CENPQ: variants seen among roughly 807,000 people sequenced by gnomAD.
CENPQ encodes centromere protein Q.
A neutral mutation model predicts 36.6 loss-of-function variants in CENPQ; 27 were observed. The ratio of observed to expected loss-of-function variants is 0.74; its 90% confidence interval spans 0.54 to 1.02. The LOEUF (loss-of-function observed/expected upper bound fraction) is 1.02. Among genes scored for constraint, CENPQ ranks in the 50% least tolerant of loss-of-function variants. The pLI is 0.00. For synonymous variants in CENPQ, 101 were observed against 101.7 expected, an observed-to-expected ratio of 0.99 and a Z score of 0.04; for missense variants, 306 against 301.8, an observed-to-expected ratio of 1.01 and a Z score of -0.10.
rs1340757833 is a variant in CENPQ, at chr6:49,489,342, G to A, written c.675+658G>A. On this transcript the variant is annotated intron_variant, in intron 8 of 8. Coordinates refer to ENST00000335783, the MANE Select transcript of CENPQ (RefSeq NM_018132.4). ...GCTCATCCATAAGAAGTAACTCCTC[G>A]TCCATCCAATTTTTATCATGAGATT... 5.9e-5 allele frequency among the ~76,000 whole-genome samples: 9 copies of A among 152,018 alleles called. No homozygotes were observed. In the South Asian group the frequency reaches 8.3e-4, roughly 14 times the overall value.
chr6:49,491,569 A>G (rs2448701), intron 8 of CENPQ, among the ~76,000 whole-genome samples: 100,335 of 152,050 alleles, frequency 0.66, 33,475 homozygotes, highest in East Asian at 0.84. Context: ...ACATTGTAGT[A>G]TAAATGTTTG....
At chr6:49,472,216 G>T in intron 4 of CENPQ, 33 bp downstream of exon 4, 2 of 1,554,986 alleles carry the variant, frequency 1.3e-6, no homozygotes, top group Non-Finnish European at 1.7e-6. Flanking sequence ...TCATTCTTTT[G>T]GTTCCCATTT....
At position 49,463,435 on chromosome 6, in the gene CENPQ, G is replaced by A. The variant is rs549490608; in HGVS notation, c.-37G>A. 1.3e-5 allele frequency: 2 copies of A among 152,372 alleles called. No homozygotes were observed. The highest frequency in any genetic ancestry group is 1.9e-4 in the East Asian group (1 of 5,182). 9.4% of individuals were successfully genotyped at this position (152,372 alleles called of 1,614,324 possible). A position where few individuals can be genotyped will look rare whatever the true frequency, so the allele number is the denominator to read the frequency against. On this transcript the variant is annotated 5_prime_UTR_variant, in exon 1 of 9. Coordinates refer to ENST00000335783, the MANE Select transcript of CENPQ (RefSeq NM_018132.4). Reference sequence around the variant, plus strand: ...TTACTCTAAGCGCGGCTCTCAGAAGGGTGCAAGAAGAATCAGTGGTGAGTC... The same window carrying A: ...TTACTCTAAGCGCGGCTCTCAGAAGAGTGCAAGAAGAATCAGTGGTGAGTC...
At chr6:49,477,082 A>C (rs1016834019) in intron 5 of CENPQ, among the ~76,000 whole-genome samples, 1 of 152,240 alleles carries the variant, frequency 6.6e-6, no homozygotes, top group Non-Finnish European at 1.5e-5. Flanking sequence ...ATATACTCAA[A>C]GGATTATAAG....
chr6:49,475,340 A>G (rs1028260149), intron 5 of CENPQ, among the ~76,000 whole-genome samples: 1 of 152,240 alleles, frequency 6.6e-6, no homozygotes, highest in Non-Finnish European at 1.5e-5. Flanking sequence ...TTATCTCACT[A>G]GATGCAGAAA....
intron 1 of CENPQ, among the ~76,000 whole-genome samples, 183 bp downstream of exon 1, chr6:49,463,636 T>G (rs1037023398): frequency 2.0e-5 from 3 of 152,036 alleles, no homozygotes; most frequent in African/African-American, 7.2e-5. Context: ...AGATGTTTGA[T>G]TAGGGGGGAG....
chr6:49,487,763 A>G (rs1050919641), intron 6 of CENPQ, among the ~76,000 whole-genome samples: 2 of 152,090 alleles, frequency 1.3e-5, no homozygotes, highest in African/African-American at 2.4e-5. Context: ...TGCACACAAC[A>G]CATCCTTGAT....
At chr6:49,487,764 C>T (rs1312616645) in intron 6 of CENPQ, among the ~76,000 whole-genome samples, 1 of 152,164 alleles carries the variant, frequency 6.6e-6, no homozygotes, top group African/African-American at 2.4e-5. Flanking sequence ...GCACACAACA[C>T]ATCCTTGATG....
At chr6:49,465,182 G>C (rs986467087) in intron 1 of CENPQ, among the ~76,000 whole-genome samples, 23 of 152,204 alleles carry the variant, frequency 1.5e-4, no homozygotes, top group African/African-American at 5.5e-4. Flanking sequence ...GACCAAGTAC[G>C]TGGTCATTGA....
intron 6 of CENPQ, among the ~76,000 whole-genome samples, chr6:49,485,559 T>C (rs576975487): frequency 6.6e-6 from 1 of 152,220 alleles, no homozygotes; most frequent in Admixed American, 6.5e-5. Context: ...TCAAGTGAAC[T>C]GAAATAAATT....
At chr6:49,472,503 T>A (rs1768165360) in intron 4 of CENPQ, among the ~76,000 whole-genome samples, 1 of 152,128 alleles carries the variant, frequency 6.6e-6, no homozygotes, top group Non-Finnish European at 1.5e-5. Context: ...GCTACCACAC[T>A]GGAGGGGATA....
chr6:49,468,869 T>A (rs746229655), intron 1 of CENPQ, among the ~76,000 whole-genome samples: 8 of 151,356 alleles, frequency 5.3e-5, no homozygotes, highest in Non-Finnish European at 7.4e-5. Context: ...ATTGTACATG[T>A]CAGCCCTTCC....
At chr6:49,471,708 G>T (rs1768139618) in intron 3 of CENPQ, among the ~76,000 whole-genome samples, 1 of 151,976 alleles carries the variant, frequency 6.6e-6, no homozygotes, top group South Asian at 2.1e-4. Context: ...TTTTGTTCCA[G>T]TTGCCATCCA....
intron 1 of CENPQ, among the ~76,000 whole-genome samples, chr6:49,468,005 G>C (rs891062917): frequency 2.6e-5 from 4 of 152,150 alleles, no homozygotes; most frequent in Non-Finnish European, 2.9e-5. Context: ...GGTAGGCAGA[G>C]TTAGGTTGGT....
At chr6:49,474,640 A>G (rs1768230145) in intron 5 of CENPQ, among the ~76,000 whole-genome samples, 1 of 152,194 alleles carries the variant, frequency 6.6e-6, no homozygotes, top group Admixed American at 6.5e-5. Flanking sequence ...AGCTAGCAGA[A>G]GGCAAGAAAT....
intron 6 of CENPQ, among the ~76,000 whole-genome samples, chr6:49,483,964 C>T (rs916604069): frequency 3.3e-5 from 5 of 152,262 alleles, no homozygotes; most frequent in African/African-American, 7.2e-5. Context: ...GGGCTGCCAG[C>T]ACACTGTCAC....
rs145201362 is a variant in CENPQ, at chr6:49,488,656, A to C, written c.647A>C (p.Gln216Pro). 2.9e-5 allele frequency: 46 copies of C among 1,613,522 alleles called. No homozygotes were observed. The African/African-American group carries it at 5.9e-4, about 21-fold the overall frequency. The change falls in exon 8 of 9, where the codon CAG becomes CCG. Residue 216 changes from glutamine (Q) to proline (P), a missense_variant. Physicochemically the swap from Gln to Pro is moderately conservative, Grantham distance 76. Transcript: ENST00000335783. ...GTACTCTCTCTTCCGGAACTTTCTC[A>C]GAAAACTCTCAAAGCACCCACACTT... ...SGVLSLPELS[Q>P]KTLKAPTLQK...
chr6:49,467,534 A>G (rs1768031716), intron 1 of CENPQ, among the ~76,000 whole-genome samples: 1 of 152,246 alleles, frequency 6.6e-6, no homozygotes, highest in Admixed American at 6.5e-5. Context: ...AGAAAATGAT[A>G]TGGCAAAGAC....
At position 49,472,549 on chromosome 6, in the gene CENPQ, C is replaced by T. The variant is rs532321772; in HGVS notation, c.279-241C>T. Among the ~76,000 whole-genome samples the T allele has an allele frequency of 7.9e-5, 12 of 152,228 alleles. No homozygotes were observed. The East Asian group carries it at 2.3e-3, about 29-fold the overall frequency. On this transcript the variant is annotated intron_variant, in intron 4 of 8. Transcript: ENST00000335783. ...AAGACAGAATTCTGCCATTGTGGAG[C>T]AAATTCTATCAGAAGAGCCAGGCAT...
Sources: allele counts gnomAD v4.1 joint callset (sites outside exome capture counted in the v4.1 genomes callset), GRCh38; gene constraint gnomAD v4.1.1; transcripts MANE v1.5; gene names NCBI Gene and HGNC (gene_info 2026-07-23, HGNC 2026-07-21).